PTPN11: variants seen among roughly 807,000 people sequenced by gnomAD.
PTPN11 encodes the protein tyrosine-protein phosphatase non-receptor type 11.
Under a neutral mutation model 78.8 loss-of-function variants are expected in PTPN11, and 6 were observed. That is an observed-to-expected ratio of 0.08 (90% CI 0.04 to 0.15). PTPN11 has a LOEUF of 0.15. PTPN11 is among the 10% of genes least tolerant of loss of function. The pLI, the probability that PTPN11 is intolerant of heterozygous loss-of-function variation, is 1.00. For missense variants in PTPN11, 386 were observed against 744.8 expected (o/e 0.52, Z 5.61); for synonymous variants, 221 against 263.5 (o/e 0.84, Z 1.56).
At chr12:112,433,312 T>G (rs1431956837) in intron 1 of PTPN11, among the ~76,000 whole-genome samples, 1 of 152,200 alleles carries the variant, frequency 6.6e-6, no homozygotes, top group Non-Finnish European at 1.5e-5. Flanking sequence ...CTAGGAGCAA[T>G]AGGTTATACC....
At chr12:112,444,185 T>A (rs1424067873) in intron 1 of PTPN11, among the ~76,000 whole-genome samples, 1 of 152,206 alleles carries the variant, frequency 6.6e-6, no homozygotes, top group African/African-American at 2.4e-5. Flanking sequence ...TGTCTATTCA[T>A]CCATCTATAG....
At chr12:112,484,901 A>T (rs1027475904) in intron 10 of PTPN11, among the ~76,000 whole-genome samples, 1 of 151,776 alleles carries the variant, frequency 6.6e-6, no homozygotes, top group African/African-American at 2.4e-5. Flanking sequence ...AATAAAATAA[A>T]ATAAAAAAAT....
intron 1 of PTPN11, among the ~76,000 whole-genome samples, chr12:112,444,822 G>A (rs2037965333): frequency 6.6e-6 from 1 of 152,138 alleles, no homozygotes; most frequent in Admixed American, 6.5e-5. Flanking sequence ...CCTTTTCATA[G>A]CTCCTTGTTG....
At chr12:112,486,273 G>A (rs971148741) in intron 10 of PTPN11, among the ~76,000 whole-genome samples, 1 of 152,128 alleles carries the variant, frequency 6.6e-6, no homozygotes, top group Non-Finnish European at 1.5e-5. Context: ...AGACGTCTTG[G>A]TTCTTATGAC....
chr12:112,486,835 T>C, intron 11 of PTPN11: 1 of 1,440,626 alleles, frequency 6.9e-7, no homozygotes, highest in Non-Finnish European at 9.1e-7. Context: ...GCCATGGCCA[T>C]GGCAACATGC....
intron 6 of PTPN11, among the ~76,000 whole-genome samples, chr12:112,462,726 A>C (rs1322544861): frequency 6.6e-6 from 1 of 152,174 alleles, no homozygotes; most frequent in African/African-American, 2.4e-5. Context: ...TATCCTGGAC[A>C]TCCTGGATAT....
At position 112,504,105 on chromosome 12, in the gene PTPN11, T is replaced by C. The variant is rs1441305402; in HGVS notation, c.1713-590T>C. Among the ~76,000 whole-genome samples, 2 of 152,186 alleles carry C rather than the reference T, an allele frequency of 1.3e-5. No homozygotes were observed. Among genetic ancestry groups the C allele is most frequent in the Non-Finnish European group, 2.9e-5 (2 of 68,034 alleles). Reference sequence around the variant, plus strand: ...GTGCATTTCCAACCTTTCTTCACAGTGCGATCCAAATGCCTCATCCTACAG... The same window carrying C: ...GTGCATTTCCAACCTTTCTTCACAGCGCGATCCAAATGCCTCATCCTACAG... On this transcript the variant is annotated intron_variant, in intron 14 of 15. Transcript: ENST00000351677. This position sits in a 1 kb window ranked among gnomAD's most constrained non-coding sequence, Gnocchi z 4.7.
In PTPN11 at chr12:112,450,238, G is replaced by A. The variant is rs16942067; in HGVS notation, c.138-80G>A. 1.5e-3 allele frequency: 2,057 copies of A among 1,336,668 alleles called. 23 individuals carry two copies. The African/African-American group carries it at 0.023, about 15-fold the overall frequency. The allele number at this position is 1,336,668 out of a possible 1,614,324, so 82.8% of individuals were successfully genotyped here. On this transcript the variant is annotated intron_variant, in intron 2 of 15. Transcript: ENST00000351677. ...TTCTTTCAACACTTAGGTAAAATCC[G>A]ACGTGGAAGATGAGATCTGATTTTA...
chr12:112,481,578 T>G (rs1390305160), intron 9 of PTPN11, among the ~76,000 whole-genome samples: 1 of 152,144 alleles, frequency 6.6e-6, no homozygotes, highest in Non-Finnish European at 1.5e-5. Flanking sequence ...CTGCAACCTC[T>G]GCCTCCCAGG....
chr12:112,484,988 A>G (rs1428335868), intron 10 of PTPN11, among the ~76,000 whole-genome samples: 9 of 152,236 alleles, frequency 5.9e-5, no homozygotes, highest in Non-Finnish European at 1.3e-4. Flanking sequence ...AGGCTGGGCA[A>G]AGTGGCTCAT....
chr12:112,496,508 C>CAT (rs1425026363), intron 13 of PTPN11, among the ~76,000 whole-genome samples: 1 of 152,094 alleles, frequency 6.6e-6, no homozygotes, highest in Non-Finnish European at 1.5e-5. Context: ...TCCATGGATT[C>CAT]ATATATATCT....
At chr12:112,478,854 T>TC (rs2038551642) in intron 9 of PTPN11, among the ~76,000 whole-genome samples, 1 of 152,176 alleles carries the variant, frequency 6.6e-6, no homozygotes, top group African/African-American at 2.4e-5. Context: ...TGCCTCAGCC[T>TC]CCCAAGTAGC....
chr12:112,431,018 T>C (rs974706738), intron 1 of PTPN11, among the ~76,000 whole-genome samples: 2 of 152,192 alleles, frequency 1.3e-5, no homozygotes, highest in African/African-American at 2.4e-5. Flanking sequence ...AAATTGCTGG[T>C]GGGGCCAGTT....
chr12:112,442,515 G>A lies in PTPN11; in HGVS notation c.15-3761G>A, dbSNP rs922669111. Among the ~76,000 whole-genome samples, 18 of 151,630 alleles carry A rather than the reference G, an allele frequency of 1.2e-4. No individual in the cohort carries two copies. In the East Asian group the frequency reaches 3.3e-3, roughly 28 times the overall value. On this transcript the variant is annotated intron_variant, in intron 1 of 15. Coordinates refer to ENST00000351677, the MANE Select transcript of PTPN11 (RefSeq NM_002834.5). ...TCACCCAGGCTGGAGTGCAGTGAGC[G>A]ATCTTGGCTTATTGCAAACTTCACC...
At chr12:112,487,595 A>G (rs2038695691) in intron 11 of PTPN11, among the ~76,000 whole-genome samples, 1 of 152,070 alleles carries the variant, frequency 6.6e-6, no homozygotes, top group Admixed American at 6.6e-5. Context: ...GGGCTTCATG[A>G]TTATACTGGG....
chr12:112,433,946 G>A (rs916219034), intron 1 of PTPN11, among the ~76,000 whole-genome samples: 3 of 151,836 alleles, frequency 2.0e-5, no homozygotes. Context: ...AGATAGAGTG[G>A]GACCCTATCT....
At chr12:112,465,599 A>G (rs925083446) in intron 6 of PTPN11, among the ~76,000 whole-genome samples, 11 of 151,806 alleles carry the variant, frequency 7.2e-5, no homozygotes, top group Middle Eastern at 3.4e-3. Context: ...CTTTCCATTC[A>G]TCTTCCTCCT....
At chr12:112,495,132 C>T (rs769759612) in intron 13 of PTPN11, among the ~76,000 whole-genome samples, 7 of 152,194 alleles carry the variant, frequency 4.6e-5, no homozygotes, top group African/African-American at 7.2e-5. Context: ...CCACTTTCCC[C>T]TGAAGTTAAC....
rs1295364600 is a variant in PTPN11 at position 112,456,485 on chromosome 12, G to T, written c.756+422G>T. 4.7e-5 allele frequency among the ~76,000 whole-genome samples: 7 copies of T among 148,302 alleles called. 1 individual carries two copies. In the East Asian group the frequency reaches 1.2e-3, roughly 26 times the overall value. On this transcript the variant is annotated intron_variant, in intron 6 of 15. Coordinates refer to ENST00000351677, the MANE Select transcript of PTPN11 (RefSeq NM_002834.5). ...TTTTTTTTTTTTTTTTTGAGACAGG[G>T]TCTCGCTCTGTCGCCGAAGCTGGAG...
Sources: allele counts gnomAD v4.1 joint callset (sites outside exome capture counted in the v4.1 genomes callset), GRCh38; gene constraint gnomAD v4.1.1; non-coding constraint Gnocchi (gnomAD v3.1); transcripts MANE v1.5; gene names NCBI Gene and HGNC (gene_info 2026-07-23, HGNC 2026-07-21).